The following ABTB3 variants were observed in gnomAD, a reference collection of about 807,000 sequenced individuals.
ABTB3 encodes the protein ankyrin repeat and BTB domain containing 3.
At chr12:107,645,971 A>C in the ABTB3 span, among the ~76,000 whole-genome samples, 92 of 152,318 alleles carry the variant, frequency 6.0e-4, 1 homozygote, top group South Asian at 0.019. Context: ...GCTGAATGCG[A>C]CCCAGCAGGA....
the ABTB3 span, among the ~76,000 whole-genome samples, chr12:107,580,001 A>T: frequency 1.3e-5 from 2 of 152,212 alleles, no homozygotes; most frequent in Admixed American, 1.3e-4. Context: ...AGGCCCTCTC[A>T]TGATGACTTT....
At chr12:107,582,088 G>T in the ABTB3 span, among the ~76,000 whole-genome samples, 1 of 152,148 alleles carries the variant, frequency 6.6e-6, no homozygotes, top group Non-Finnish European at 1.5e-5. Context: ...CAAGGGCAGA[G>T]ATTTCTGCCC....
the ABTB3 span, among the ~76,000 whole-genome samples, chr12:107,597,390 G>A: frequency 6.6e-6 from 1 of 152,212 alleles, no homozygotes; most frequent in Non-Finnish European, 1.5e-5. Context: ...AAGTCCAAGA[G>A]TGTAGCACCA....
At chr12:107,553,695 T>C in the ABTB3 span, among the ~76,000 whole-genome samples, 1 of 152,144 alleles carries the variant, frequency 6.6e-6, no homozygotes, top group South Asian at 2.1e-4. Context: ...TCCCAGCATT[T>C]TGGGAGGCCA....
chr12:107,623,061 C>CTTT, the ABTB3 span, among the ~76,000 whole-genome samples: 170 of 138,266 alleles, frequency 1.2e-3, no homozygotes, highest in African/African-American at 4.2e-3. Flanking sequence ...GCTTATTTGT[C>CTTT]TTTTTTTTTT....
the ABTB3 span, among the ~76,000 whole-genome samples, chr12:107,386,352 C>T: frequency 1.3e-5 from 2 of 152,226 alleles, no homozygotes; most frequent in Non-Finnish European, 2.9e-5. Context: ...TCCTTACATG[C>T]CTCAGTGAGG....
chr12:107,464,949 T>TACACACACAC, the ABTB3 span, among the ~76,000 whole-genome samples: 1 of 146,544 alleles, frequency 6.8e-6, no homozygotes, highest in African/African-American at 2.5e-5. Context: ...CTCCCTACCT[T>TACACACACAC]ACACACACAC....
At chr12:107,342,438 A>G in the ABTB3 span, among the ~76,000 whole-genome samples, 4 of 151,966 alleles carry the variant, frequency 2.6e-5, no homozygotes, top group African/African-American at 9.7e-5. Flanking sequence ...CTGTTATCCC[A>G]TCTCCCACAC....
chr12:107,374,418 C>T, the ABTB3 span, among the ~76,000 whole-genome samples: 1 of 152,120 alleles, frequency 6.6e-6, no homozygotes, highest in African/African-American at 2.4e-5. Context: ...TCCTCATGTC[C>T]CCCTCCCAGG....
the ABTB3 span, among the ~76,000 whole-genome samples, chr12:107,349,996 C>T: frequency 6.6e-6 from 1 of 152,152 alleles, no homozygotes; most frequent in Non-Finnish European, 1.5e-5. Context: ...GTGAGATTGA[C>T]AATGCGAGAG....
chr12:107,518,941 G>A, the ABTB3 span, among the ~76,000 whole-genome samples: 1 of 152,122 alleles, frequency 6.6e-6, no homozygotes, highest in Non-Finnish European at 1.5e-5. Context: ...GTGTAACAAC[G>A]TGTCTCCTTC....
the ABTB3 span, among the ~76,000 whole-genome samples, chr12:107,398,123 T>C: frequency 6.6e-6 from 1 of 152,214 alleles, no homozygotes; most frequent in East Asian, 1.9e-4. Flanking sequence ...ACCTTTCCAT[T>C]ACACAGCCTG....
At chr12:107,476,063 G>A in the ABTB3 span, among the ~76,000 whole-genome samples, 1 of 152,168 alleles carries the variant, frequency 6.6e-6, no homozygotes, top group African/African-American at 2.4e-5. Context: ...CCCAGAAGCC[G>A]GGGCCCTGAT....
the ABTB3 span, among the ~76,000 whole-genome samples, chr12:107,424,799 C>T: frequency 5.9e-5 from 9 of 152,324 alleles, no homozygotes; most frequent in African/African-American, 1.7e-4. Context: ...CATTGCCACA[C>T]ACCAAGCTAG....
At chr12:107,538,911 T>G in the ABTB3 span, among the ~76,000 whole-genome samples, 3 of 152,142 alleles carry the variant, frequency 2.0e-5, no homozygotes, top group Non-Finnish European at 4.4e-5. Context: ...CGTCAGACTT[T>G]TTAAGGGCCA....
the ABTB3 span, among the ~76,000 whole-genome samples, chr12:107,399,830 C>T: frequency 6.6e-6 from 1 of 152,092 alleles, no homozygotes; most frequent in Admixed American, 6.6e-5. Flanking sequence ...AATACTCTCC[C>T]TCCCCTTGCC....
the ABTB3 span, among the ~76,000 whole-genome samples, chr12:107,615,736 G>T: frequency 2.0e-5 from 3 of 152,216 alleles, no homozygotes; most frequent in Admixed American, 2.0e-4. Flanking sequence ...GGTCCTTTGG[G>T]CATATAAATA....
At chr12:107,321,408 C>G in the ABTB3 span, among the ~76,000 whole-genome samples, 4 of 152,162 alleles carry the variant, frequency 2.6e-5, no homozygotes, top group African/African-American at 9.7e-5. Context: ...CCGACCCTGC[C>G]GCCCTCGGTC....
the ABTB3 span, chr12:107,581,308 G>A: frequency 1.5e-6 from 2 of 1,336,264 alleles, no homozygotes; most frequent in African/African-American, 1.6e-5. Context: ...AGCTCAGGTA[G>A]GCGCGGGGGC....
Sources: gnomAD v4.1 joint callset for allele counts (sites outside exome capture counted in the v4.1 genomes callset) on GRCh38, gnomAD v4.1.1 for gene constraint, MANE v1.5 for transcripts, NCBI Gene and HGNC (gene_info 2026-07-23, HGNC 2026-07-21) for gene names.